Variants in SMARCA2 observed in about 807,000 individuals in gnomAD.
SMARCA2 encodes SWI/SNF-related matrix-associated actin-dependent regulator of chromatin subfamily A member 2.
Under a neutral mutation model 199.8 loss-of-function variants are expected in SMARCA2, and 61 were observed. That is an observed-to-expected ratio of 0.31 (90% CI 0.25 to 0.38). SMARCA2 has a LOEUF of 0.38. Among genes scored for constraint, SMARCA2 ranks in the 10% least tolerant of loss-of-function variants. SMARCA2 has a pLI of 1.00. For synonymous variants in SMARCA2, 935 were observed against 732.0 expected (o/e 1.28, Z -4.48); for missense variants, 1,344 against 2,012.2 (o/e 0.67, Z 6.35).
At chr9:2,084,484 A>G (rs930444469) in intron 17 of SMARCA2, among the ~76,000 whole-genome samples, 13 of 151,752 alleles carry the variant, frequency 8.6e-5, no homozygotes, top group Admixed American at 3.3e-4. Flanking sequence ...TCTCTTAAAA[A>G]AATTCACCTG....
intron 4 of SMARCA2, chr9:2,040,123 A>T: frequency 1.1e-6 from 1 of 935,772 alleles, no homozygotes; most frequent in Non-Finnish European, 1.5e-6. Context: ...TGGTTGTGCA[A>T]GCTGGAGACC....
rs1823352851 is a variant in SMARCA2, at chr9:2,119,397, T to C, written c.3685-61T>C. 9.2e-7 allele frequency: 1 copy of C among 1,092,290 alleles called. No homozygotes were observed. The highest frequency in any genetic ancestry group is 2.4e-5 in the East Asian group (1 of 42,312). 67.7% of individuals were successfully genotyped at this position (1,092,290 alleles called of 1,614,324 possible). The stretch of plus-strand genomic sequence containing the variant: ...CCTCTGGTCTGGAGGACAGATCACT[T>C]ACTTGTTTGTACCTTGCCCCAGCTG... On this transcript the variant is annotated intron_variant, in intron 25 of 33. Transcript: ENST00000349721. This position sits in a 1 kb window ranked among gnomAD's most constrained non-coding sequence, Gnocchi z 4.6.
intron 19 of SMARCA2, among the ~76,000 whole-genome samples, chr9:2,094,708 C>G (rs976149149): frequency 6.6e-6 from 1 of 152,208 alleles, no homozygotes; most frequent in Non-Finnish European, 1.5e-5. Flanking sequence ...GATTCCTAAT[C>G]TATAAAATGA....
chr9:2,170,497 T>C lies in SMARCA2; in HGVS notation c.4253+25T>C. Reference sequence around the variant, plus strand: ...GGTCAGGATCTGTCTTGTATTCCCCTATCTCTAAATACAGGTATCCCTCGT... The same window carrying C: ...GGTCAGGATCTGTCTTGTATTCCCCCATCTCTAAATACAGGTATCCCTCGT... On this transcript the variant is annotated intron_variant, in intron 29 of 33. Coordinates refer to ENST00000349721, the MANE Select transcript of SMARCA2 (RefSeq NM_003070.5). This position sits in a 1 kb window ranked among gnomAD's most constrained non-coding sequence, Gnocchi z 4.7. The C allele has an allele frequency of 6.2e-7, 1 of 1,613,984 alleles. No homozygotes were observed. Among genetic ancestry groups the C allele is most frequent in the East Asian group, 2.2e-5 (1 of 44,880 alleles).
chr9:2,066,439 T>G (rs1363358048), intron 9 of SMARCA2, among the ~76,000 whole-genome samples: 1 of 152,238 alleles, frequency 6.6e-6, no homozygotes, highest in Non-Finnish European at 1.5e-5. Context: ...GCACATACCT[T>G]TGCTTGTGAA....
At chr9:2,067,091 T>C (rs1171240359) in intron 9 of SMARCA2, among the ~76,000 whole-genome samples, 1 of 152,238 alleles carries the variant, frequency 6.6e-6, no homozygotes, top group Non-Finnish European at 1.5e-5. Flanking sequence ...ACCTGGCCTC[T>C]ATCTCTTAGA....
At chr9:2,099,866 C>A (rs1822434276) in intron 21 of SMARCA2, among the ~76,000 whole-genome samples, 1 of 152,200 alleles carries the variant, frequency 6.6e-6, no homozygotes, top group Non-Finnish European at 1.5e-5. Flanking sequence ...TCTCCAACAG[C>A]ATCCATTGAC....
chr9:2,107,583 GC>G (rs1822812746), intron 23 of SMARCA2, among the ~76,000 whole-genome samples: 1 of 152,198 alleles, frequency 6.6e-6, no homozygotes, highest in Non-Finnish European at 1.5e-5. Flanking sequence ...CTCCCAAAGT[GC>G]TGGGATTACA....
intron 14 of SMARCA2, among the ~76,000 whole-genome samples, chr9:2,078,298 C>G (rs1040329920): frequency 1.3e-5 from 2 of 151,806 alleles, no homozygotes; most frequent in Admixed American, 1.3e-4. Flanking sequence ...ATGGTGAAAC[C>G]CTCTCTCTAC....
At chr9:2,088,973 T>A (rs547607523) in intron 19 of SMARCA2, among the ~76,000 whole-genome samples, 1 of 151,226 alleles carries the variant, frequency 6.6e-6, no homozygotes, top group African/African-American at 2.4e-5. Flanking sequence ...AGATTTGGCG[T>A]TGGGGACTTG....
At chr9:2,051,942 T>C (rs1478733084) in intron 5 of SMARCA2, among the ~76,000 whole-genome samples, 1 of 152,204 alleles carries the variant, frequency 6.6e-6, no homozygotes, top group Non-Finnish European at 1.5e-5. Context: ...ACATAGATGT[T>C]GTAGAAAATG....
chr9:2,107,869 A>C (rs1456001441), intron 23 of SMARCA2, among the ~76,000 whole-genome samples: 1 of 152,106 alleles, frequency 6.6e-6, no homozygotes, highest in African/African-American at 2.4e-5. Flanking sequence ...GGTTTTGCAA[A>C]AGAGAAAAGA....
chr9:2,189,705 T>G (rs56301256), intron 32 of SMARCA2, among the ~76,000 whole-genome samples: 4,982 of 151,822 alleles, frequency 0.033, 141 homozygotes, highest in African/African-American at 0.079. Flanking sequence ...CAGCAGACAG[T>G]GGGTATAATA....
rs1049532313 is a variant in SMARCA2 at position 2,170,210 on chromosome 9, G to A, written c.4200-209G>A. The stretch of plus-strand genomic sequence containing the variant: ...ACGGAAGTAGGAAAATCCCAGAAAG[G>A]TTAGGAAATCCACTTCCCCCACCAT... On this transcript the variant is annotated intron_variant, in intron 28 of 33. Transcript: ENST00000349721. The surrounding 1 kb of genome is among the most constrained non-coding windows in gnomAD (Gnocchi z 4.7). Among the ~76,000 whole-genome samples, 2 of 152,110 alleles carry A rather than the reference G, an allele frequency of 1.3e-5. No individual in the cohort carries two copies. Among genetic ancestry groups the A allele is most frequent in the East Asian group, 1.9e-4 (1 of 5,182 alleles).
chr9:2,016,461 G>A lies in SMARCA2; in HGVS notation c.-37+1057G>A, dbSNP rs766191665. The A allele has an allele frequency of 6.6e-6, 1 of 152,438 alleles. No homozygotes were observed. Among genetic ancestry groups the A allele is most frequent in the Non-Finnish European group, 1.5e-5 (1 of 68,254 alleles). The allele number at this position is 152,438 out of a possible 1,614,324, so 9.4% of individuals were successfully genotyped here. A position where few individuals can be genotyped will look rare whatever the true frequency, so the allele number is the denominator to read the frequency against. ...TTTGCTTCGCGTCTTCCCCTTGCTT[G>A]CGCCGCGGGAGCTGCGGGCGTGGGG... On this transcript the variant is annotated intron_variant, in intron 1 of 33. Transcript: ENST00000349721. The surrounding 1 kb of genome is among the most constrained non-coding windows in gnomAD (Gnocchi z 5.6).
chr9:2,188,496 GTTCTA>G (rs1199753565), intron 32 of SMARCA2, among the ~76,000 whole-genome samples: 8 of 151,928 alleles, frequency 5.3e-5, no homozygotes, highest in African/African-American at 1.7e-4. Flanking sequence ...TTATTCCTTT[GTTCTA>G]GCATTTGAAT....
intron 27 of SMARCA2, among the ~76,000 whole-genome samples, chr9:2,124,869 G>A (rs1265175025): frequency 6.6e-6 from 1 of 152,178 alleles, no homozygotes; most frequent in Non-Finnish European, 1.5e-5. Context: ...ACCTAGAAAG[G>A]CACAGCAACC....
At chr9:2,155,442 C>T (rs553561100) in intron 27 of SMARCA2, among the ~76,000 whole-genome samples, 37 of 152,230 alleles carry the variant, frequency 2.4e-4, no homozygotes, top group African/African-American at 8.2e-4. Flanking sequence ...GCCACCACAC[C>T]TGGCTAATGT....
intron 20 of SMARCA2, 31 bp from the exon 21 acceptor site, chr9:2,097,354 A>C: frequency 7.4e-7 from 1 of 1,356,468 alleles, no homozygotes; most frequent in South Asian, 1.2e-5. Flanking sequence ...TTAATAATTA[A>C]TTCTATTTTT....
Sources: gnomAD v4.1 joint callset for allele counts (sites outside exome capture counted in the v4.1 genomes callset) on GRCh38, gnomAD v4.1.1 for gene constraint, Gnocchi (gnomAD v3.1) non-coding constraint, MANE v1.5 for transcripts, NCBI Gene and HGNC (gene_info 2026-07-23, HGNC 2026-07-21) for gene names.